The following MAMDC2 variants were observed in gnomAD, a reference collection of about 807,000 sequenced individuals.
The protein encoded by MAMDC2 is MAM domain containing 2.
In MAMDC2, 57 loss-of-function variants were observed where a neutral mutation model predicts 89.8. The ratio of observed to expected loss-of-function variants is 0.63; its 90% CI spans 0.51 to 0.79. MAMDC2 has a LOEUF of 0.79. Among genes scored for constraint, MAMDC2 ranks in the 30% least tolerant of loss-of-function variants. The pLI, the probability that MAMDC2 is intolerant of heterozygous loss-of-function variation, is 0.00. For missense variants in MAMDC2, 800 were observed against 820.6 expected (o/e 0.97, Z 0.31); for synonymous variants, 313 against 293.4 (o/e 1.07, Z -0.68).
At chr9:70,072,769 A>G (rs1265336025) in intron 2 of MAMDC2, among the ~76,000 whole-genome samples, 2 of 152,226 alleles carry the variant, frequency 1.3e-5, no homozygotes, top group African/African-American at 4.8e-5. Flanking sequence ...AAGACAAAAA[A>G]AAGTACACTA....
chr9:70,101,088 T>C (rs537329000), intron 2 of MAMDC2, among the ~76,000 whole-genome samples: 2 of 152,356 alleles, frequency 1.3e-5, no homozygotes, highest in Non-Finnish European at 2.9e-5. Flanking sequence ...GTGATGATTC[T>C]GATCCTGTAT....
rs138187115 is a variant in MAMDC2, at chr9:70,139,913, G to A, written c.995-232G>A. On this transcript the variant is annotated intron_variant, in intron 7 of 13. Coordinates refer to ENST00000377182, the MANE Select transcript of MAMDC2 (RefSeq NM_153267.5). ...GTACTTCATTTTTATAATGTGAACAGTGCTCCTTTCTCCCCTCCCTTTAGA... is the reference window on the plus strand; with the variant it reads ...GTACTTCATTTTTATAATGTGAACAATGCTCCTTTCTCCCCTCCCTTTAGA... Among the ~76,000 whole-genome samples, 417 of 152,204 alleles carry A rather than the reference G, an allele frequency of 2.7e-3. 4 individuals are homozygous for A. Among genetic ancestry groups the A allele is most frequent in the Non-Finnish European group, 3.0e-3 (202 of 68,000 alleles).
intron 2 of MAMDC2, among the ~76,000 whole-genome samples, chr9:70,106,201 C>T (rs1828335979): frequency 6.6e-6 from 1 of 152,034 alleles, no homozygotes; most frequent in Admixed American, 6.5e-5. Context: ...TTGTCCCTTT[C>T]TGGAGTGGGG....
intron 5 of MAMDC2, among the ~76,000 whole-genome samples, chr9:70,118,170 A>G (rs1343910294): frequency 6.7e-6 from 1 of 149,562 alleles, no homozygotes; most frequent in Admixed American, 6.6e-5. Flanking sequence ...GTTCCAGGCT[A>G]CATTCCTACT....
intron 4 of MAMDC2, among the ~76,000 whole-genome samples, chr9:70,111,116 G>GT (rs1828500531): frequency 6.6e-6 from 1 of 152,166 alleles, no homozygotes; most frequent in African/African-American, 2.4e-5. Context: ...GCTTCCACCT[G>GT]GCATCTGCAC....
intron 11 of MAMDC2, among the ~76,000 whole-genome samples, chr9:70,214,902 T>C (rs2033417017): frequency 6.6e-6 from 1 of 152,200 alleles, no homozygotes; most frequent in African/African-American, 2.4e-5. Flanking sequence ...AAGTTGAGTT[T>C]TGAATATGCT....
chr9:70,067,304 T>TA (rs906792812), intron 2 of MAMDC2, among the ~76,000 whole-genome samples: 2 of 152,144 alleles, frequency 1.3e-5, no homozygotes, highest in African/African-American at 4.8e-5. Flanking sequence ...TCTGGAGTAA[T>TA]AAGCCCTTCA....
In MAMDC2 at chr9:70,186,067, T is replaced by G. The variant is rs1294850147; in HGVS notation, c.1651+15436T>G. On this transcript the variant is annotated intron_variant, in intron 11 of 13. Transcript: ENST00000377182. ...TGTTTATATTCCTTTACAAGTTGTTTTTTTTTCTTTAGCTCACAACTAACA... is the reference window on the plus strand; with the variant it reads ...TGTTTATATTCCTTTACAAGTTGTTGTTTTTTCTTTAGCTCACAACTAACA... 1.2e-4 allele frequency among the ~76,000 whole-genome samples: 18 copies of G among 152,198 alleles called. 1 individual carries two copies. Among genetic ancestry groups the G allele is most frequent in the Admixed American group, 1.2e-3 (18 of 15,280 alleles).
chr9:70,198,119 T>TATA (rs2033009313), intron 11 of MAMDC2, among the ~76,000 whole-genome samples: 1 of 150,960 alleles, frequency 6.6e-6, no homozygotes, highest in South Asian at 2.1e-4. Context: ...TAAACTTTAT[T>TATA]ATAAGTACAT....
chr9:70,052,211 C>T (rs759162653), intron 2 of MAMDC2, among the ~76,000 whole-genome samples: 1 of 152,140 alleles, frequency 6.6e-6, no homozygotes, highest in African/African-American at 2.4e-5. Flanking sequence ...GAAATGCCCT[C>T]GTCTTAAGTA....
intron 5 of MAMDC2, among the ~76,000 whole-genome samples, chr9:70,125,606 A>G (rs1405171765): frequency 6.6e-6 from 1 of 152,196 alleles, no homozygotes; most frequent in East Asian, 1.9e-4. Flanking sequence ...TGCTATTAAC[A>G]ACACACAAAT....
intron 9 of MAMDC2, among the ~76,000 whole-genome samples, chr9:70,166,576 G>A (rs1006510465): frequency 9.2e-5 from 14 of 151,972 alleles, no homozygotes; most frequent in Admixed American, 8.5e-4. Context: ...TATCAAATCT[G>A]ACAATGGCCA....
At chr9:70,150,082 T>C (rs1471297193) in intron 9 of MAMDC2, among the ~76,000 whole-genome samples, 1 of 152,172 alleles carries the variant, frequency 6.6e-6, no homozygotes, top group Non-Finnish European at 1.5e-5. Context: ...GTCAGATCAG[T>C]AGTCCTCATG....
intron 11 of MAMDC2, among the ~76,000 whole-genome samples, chr9:70,175,140 A>G (rs1288545766): frequency 6.6e-6 from 1 of 152,204 alleles, no homozygotes; most frequent in South Asian, 2.1e-4. Flanking sequence ...GTGTTGAGGA[A>G]AGACTAGGCG....
intron 11 of MAMDC2, among the ~76,000 whole-genome samples, chr9:70,179,815 C>T (rs2032596009): frequency 3.9e-5 from 1 of 25,926 alleles, no homozygotes; most frequent in Non-Finnish European, 1.2e-4. Context: ...GATCACTGTG[C>T]ACTCGCTACA....
In MAMDC2 at chr9:70,058,183, G is replaced by T. The variant is rs150909425; in HGVS notation, c.148+13486G>T. ...ATTATCACCAAACACTGTGCTGAGT[G>T]CAGGACATGCATCATCTTATTTAAT... On this transcript the variant is annotated intron_variant, in intron 2 of 13. Transcript: ENST00000377182. Among the ~76,000 whole-genome samples, 1,025 of 152,306 alleles carry T rather than the reference G, an allele frequency of 6.7e-3. 4 individuals carry two copies. Among genetic ancestry groups the T allele is most frequent in the Non-Finnish European group, 0.011 (723 of 68,030 alleles).
chr9:70,062,617 T>G (rs944649316), intron 2 of MAMDC2: 1 of 152,178 alleles, frequency 6.6e-6, no homozygotes, highest in Non-Finnish European at 1.5e-5. Flanking sequence ...GGACTTGCAC[T>G]TCTGCAAGTT....
At chr9:70,213,173 C>G (rs967904691) in intron 11 of MAMDC2, among the ~76,000 whole-genome samples, 1 of 152,244 alleles carries the variant, frequency 6.6e-6, no homozygotes, top group African/African-American at 2.4e-5. Flanking sequence ...AAACAAAAGA[C>G]AATTCTTAGG....
At chr9:70,070,918 C>T (rs1383787276) in intron 2 of MAMDC2, among the ~76,000 whole-genome samples, 1 of 151,864 alleles carries the variant, frequency 6.6e-6, no homozygotes, top group Non-Finnish European at 1.5e-5. Context: ...AAAAGTATTT[C>T]GATAAATAGT....
Sources: allele counts gnomAD v4.1 joint callset (sites outside exome capture counted in the v4.1 genomes callset), GRCh38; gene constraint gnomAD v4.1.1; transcripts MANE v1.5; gene names NCBI Gene and HGNC (gene_info 2026-07-23, HGNC 2026-07-21).